Variants in CTNNA2 observed in about 807,000 individuals in gnomAD.
The protein encoded by CTNNA2 is catenin alpha-2.
A neutral mutation model predicts 101.0 loss-of-function variants in CTNNA2; 42 were observed. The ratio of observed to expected loss-of-function variants is 0.42; its 90% CI spans 0.32 to 0.54. The LOEUF (loss-of-function observed/expected upper bound fraction) is 0.54, where lower values mean the gene tolerates loss of function less well. Among genes scored for constraint, CTNNA2 ranks in the 20% least tolerant of loss-of-function variants. The probability of loss-of-function intolerance (pLI) is 0.14; values close to 1 mark genes in which losing one functional copy is unlikely to be tolerated. For missense variants in CTNNA2, 871 were observed against 1,223.1 expected (o/e 0.71, Z 4.29); for synonymous variants, 450 against 456.4 (o/e 0.99, Z 0.18).
At chr2:80,335,337 C>T (rs1029527480) in intron 7 of CTNNA2, among the ~76,000 whole-genome samples, 6 of 151,980 alleles carry the variant, frequency 3.9e-5, no homozygotes, top group South Asian at 2.1e-4. Flanking sequence ...TAATGGCAGA[C>T]GTTTTGAACT....
intron 3 of CTNNA2, among the ~76,000 whole-genome samples, chr2:79,365,903 G>T (rs1193231938): frequency 1.3e-5 from 2 of 152,138 alleles, no homozygotes; most frequent in East Asian, 3.9e-4. Context: ...TTACCAGGTC[G>T]CTGGCAAGTG....
intron 2 of CTNNA2, among the ~76,000 whole-genome samples, chr2:79,247,017 G>A (rs949815891): frequency 6.6e-6 from 1 of 152,198 alleles, no homozygotes; most frequent in Non-Finnish European, 1.5e-5. Context: ...AGAGTATTCA[G>A]TAAACCCTGA....
chr2:79,563,289 G>A (rs186351235), intron 1 of CTNNA2, among the ~76,000 whole-genome samples: 12 of 151,294 alleles, frequency 7.9e-5, no homozygotes, highest in Non-Finnish European at 1.8e-4. Context: ...ATTTATGATG[G>A]GATTCAGGGT....
chr2:80,354,314 A>G (rs762496291), intron 7 of CTNNA2, among the ~76,000 whole-genome samples: 9 of 152,112 alleles, frequency 5.9e-5, no homozygotes, highest in Admixed American at 4.6e-4. Context: ...GGAATATACT[A>G]CAGAGGAGAG....
intron 7 of CTNNA2, among the ~76,000 whole-genome samples, chr2:80,136,628 T>G (rs1702713672): frequency 6.6e-6 from 1 of 152,184 alleles, no homozygotes. Flanking sequence ...TTTCATCTTT[T>G]GTATGTTATT....
At chr2:80,282,373 C>T (rs1674449609) in intron 7 of CTNNA2, among the ~76,000 whole-genome samples, 1 of 151,524 alleles carries the variant, frequency 6.6e-6, no homozygotes, top group African/African-American at 2.4e-5. Flanking sequence ...TTTTGATGGC[C>T]CTTGGCAAAA....
chr2:80,307,085 ATTGCT>A, intron 7 of CTNNA2, among the ~76,000 whole-genome samples: 1 of 149,508 alleles, frequency 6.7e-6, no homozygotes, highest in African/African-American at 2.4e-5. Flanking sequence ...TTTTCTATAT[ATTGCT>A]TTTTGCATTA....
chr2:80,163,719 A>G (rs2148949778), intron 7 of CTNNA2, among the ~76,000 whole-genome samples: 1 of 152,222 alleles, frequency 6.6e-6, no homozygotes, highest in South Asian at 2.1e-4. Flanking sequence ...GAAAGTATTG[A>G]AATCTACAGC....
intron 9 of CTNNA2, among the ~76,000 whole-genome samples, chr2:80,475,000 T>C (rs1036708275): frequency 6.6e-6 from 1 of 152,188 alleles, no homozygotes; most frequent in Non-Finnish European, 1.5e-5. Flanking sequence ...CTCAGAGATA[T>C]AGACACCTAA....
intron 2 of CTNNA2, among the ~76,000 whole-genome samples, chr2:79,214,182 G>C (rs893758609): frequency 6.6e-6 from 1 of 152,208 alleles, no homozygotes; most frequent in Admixed American, 6.5e-5. Flanking sequence ...ATTTAGGCTT[G>C]ACTGAAGTAA....
intron 4 of CTNNA2, among the ~76,000 whole-genome samples, chr2:79,459,653 G>A (rs530027508): frequency 2.6e-5 from 4 of 152,182 alleles, no homozygotes; most frequent in Non-Finnish European, 4.4e-5. Context: ...CTCTCTCTCC[G>A]GCAGCTCTGA....
At position 79,270,204 on chromosome 2, in the gene CTNNA2, G is replaced by T. The variant is rs188324858; in HGVS notation, c.-405-42505G>T. On this transcript the variant is annotated intron_variant, in intron 2 of 21. Coordinates refer to the CTNNA2 transcript ENST00000466387. ...GTCACTTAAAAAGGGTAAATTTTGA[G>T]ATGTGAACTATATCTCAAGGAAACT... Among the ~76,000 whole-genome samples the T allele has an allele frequency of 4.7e-3, 717 of 152,146 alleles. 2 individuals are homozygous for T. The highest frequency in any genetic ancestry group is 0.014 in the Middle Eastern group (4 of 294).
intron 7 of CTNNA2, among the ~76,000 whole-genome samples, chr2:80,301,160 A>G (rs1186812000): frequency 6.6e-6 from 1 of 152,076 alleles, no homozygotes; most frequent in Non-Finnish European, 1.5e-5. Context: ...GCAGGCATTC[A>G]TCCTAAGGTA....
chr2:80,638,583 A>G (rs754036012), intron 18 of CTNNA2, among the ~76,000 whole-genome samples: 2 of 152,168 alleles, frequency 1.3e-5, no homozygotes, highest in African/African-American at 2.4e-5. Flanking sequence ...TATCTTTGAG[A>G]TTTCCATGTT....
intron 3 of CTNNA2, among the ~76,000 whole-genome samples, chr2:79,352,213 A>G (rs78513140): frequency 6.6e-6 from 1 of 151,678 alleles, no homozygotes; most frequent in East Asian, 1.9e-4. Context: ...CTGCTTGTAT[A>G]ATTTTTTTTT....
intron 1 of CTNNA2, among the ~76,000 whole-genome samples, chr2:79,608,330 A>G (rs927843902): frequency 1.3e-5 from 2 of 152,076 alleles, no homozygotes; most frequent in Non-Finnish European, 2.9e-5. Flanking sequence ...TTGCCCAAAC[A>G]TGTAAAGAAG....
At chr2:80,435,880 C>T (rs1381924802) in intron 9 of CTNNA2, among the ~76,000 whole-genome samples, 2 of 152,210 alleles carry the variant, frequency 1.3e-5, no homozygotes, top group Non-Finnish European at 2.9e-5. Context: ...CAGTTAGCAT[C>T]TTTCCATAGT....
chr2:80,170,676 G>T lies in CTNNA2; in HGVS notation c.1057-222535G>T, dbSNP rs192425054. Among the ~76,000 whole-genome samples, 282 of 152,292 alleles carry T rather than the reference G, an allele frequency of 1.9e-3. 1 individual carries two copies. Among genetic ancestry groups the T allele is most frequent in the African/African-American group, 6.3e-3 (261 of 41,556 alleles). Reference sequence around the variant, plus strand: ...TTATCCGATGAAATAATATGCAAATGATAAGTTATATAACTGGCCCATTTT... The same window carrying T: ...TTATCCGATGAAATAATATGCAAATTATAAGTTATATAACTGGCCCATTTT... On this transcript the variant is annotated intron_variant, in intron 7 of 18. Coordinates refer to ENST00000402739, the MANE Select transcript of CTNNA2 (RefSeq NM_001282597.3).
In CTNNA2 at chr2:79,458,637, C is replaced by T. The variant is rs551963201; in HGVS notation, c.-134-46417C>T. On this transcript the variant is annotated intron_variant, in intron 4 of 21. Transcript: ENST00000466387. The stretch of plus-strand genomic sequence containing the variant: ...TACTTAACAAGGTGAAGAGTTGGTG[C>T]CCTCTCAAGTTCAAAAAGGAAAAAT... Among the ~76,000 whole-genome samples the T allele has an allele frequency of 8.4e-4, 128 of 152,190 alleles. 1 individual carries two copies. The highest frequency in any genetic ancestry group is 1.2e-3 in the Non-Finnish European group (82 of 68,010).
Sources: gnomAD v4.1 joint callset for allele counts (sites outside exome capture counted in the v4.1 genomes callset) on GRCh38, gnomAD v4.1.1 for gene constraint, MANE v1.5 for transcripts, NCBI Gene and HGNC (gene_info 2026-07-23, HGNC 2026-07-21) for gene names.